FRMD8: variants seen among roughly 807,000 people sequenced by gnomAD.
The protein encoded by FRMD8 is FERM domain-containing protein 8.
Under a neutral mutation model 54.2 loss-of-function variants are expected in FRMD8, and 37 were observed. That is an observed-to-expected ratio of 0.68 (90% CI 0.53 to 0.90). FRMD8 has a LOEUF of 0.90. FRMD8 is among the 40% of genes least tolerant of loss of function. The pLI is 0.00. For synonymous variants in FRMD8, 246 were observed against 286.9 expected (o/e 0.86, Z 1.44); for missense variants, 585 against 653.7 (o/e 0.89, Z 1.15).
the FRMD8 span, among the ~76,000 whole-genome samples, chr11:65,371,196 T>C: frequency 6.6e-6 from 1 of 152,094 alleles, no homozygotes; most frequent in Non-Finnish European, 1.5e-5. Flanking sequence ...TGGTCAAAGT[T>C]ATTTAAGCCA....
intron 9 of FRMD8, among the ~76,000 whole-genome samples, chr11:65,401,345 T>TGCTTCCCTCCCCA (rs1856075914): frequency 9.6e-6 from 1 of 104,152 alleles, no homozygotes; most frequent in African/African-American, 4.2e-5. Flanking sequence ...CTCCCTCCCC[T>TGCTTCCCTCCCCA]GCCTCCCTCC....
the FRMD8 span, among the ~76,000 whole-genome samples, chr11:65,373,553 G>A: frequency 6.6e-6 from 1 of 152,120 alleles, no homozygotes; most frequent in African/African-American, 2.4e-5. Flanking sequence ...GTCTGGGGTG[G>A]GGCCTGAGAT....
At chr11:65,396,754 G>A (rs754160281) in intron 6 of FRMD8, 45 bp from the exon 7 acceptor site, 1 of 1,316,672 alleles carries the variant, frequency 7.6e-7, no homozygotes, top group Non-Finnish European at 1.0e-6. Flanking sequence ...CGTGAGCCTG[G>A]CACCTCTGGT....
the FRMD8 span, chr11:65,380,272 G>A: frequency 1.3e-6 from 2 of 1,567,148 alleles, no homozygotes; most frequent in East Asian, 4.5e-5. Context: ...GCAGGAGGAA[G>A]GAGAGCAGGG....
rs1856064154 is a variant in FRMD8, at chr11:65,400,945, G to T, written c.1071+78G>T. On this transcript the variant is annotated intron_variant, in intron 9 of 10. Transcript: ENST00000317568. This position sits in a 1 kb window ranked among gnomAD's most constrained non-coding sequence, Gnocchi z 4.3. ...GGGTCCCAGACAATTAGAGGCACCA[G>T]GCTGGCGGGCAAGGAGGTGAGAAGC... is the stretch of plus-strand genomic sequence containing the variant. 2 of 1,467,140 alleles carry T rather than the reference G, an allele frequency of 1.4e-6. No individual in the cohort carries two copies. Among genetic ancestry groups the T allele is most frequent in the Admixed American group, 4.7e-5 (2 of 42,522 alleles). 90.9% of individuals were successfully genotyped at this position (1,467,140 alleles called of 1,614,324 possible).
the FRMD8 span, chr11:65,377,256 C>T: frequency 7.0e-7 from 1 of 1,423,540 alleles, no homozygotes; most frequent in Non-Finnish European, 9.1e-7. Context: ...CTGCATGCGA[C>T]CGGGACAGGC....
At chr11:65,386,604 G>T, upstream of FRMD8, 1 of 172,124 alleles carries the variant, frequency 5.8e-6, no homozygotes, top group South Asian at 1.6e-4. Flanking sequence ...GCGGGGCCTC[G>T]GGCGCCGCGC....
At chr11:65,406,738 G>A (rs139537435) in intron 10 of FRMD8, among the ~76,000 whole-genome samples, 1,578 of 152,018 alleles carry the variant, frequency 0.01, 30 homozygotes, top group African/African-American at 0.036. Flanking sequence ...TCGGGAGTTC[G>A]AGACCAGTCT....
rs114918863 is a variant in FRMD8, at chr11:65,412,506, C to T, written c.*1146C>T. On this transcript the variant is annotated 3_prime_UTR_variant, in exon 11 of 11. Transcript: ENST00000317568. ...GCTTCTCTGGTCCCAGCTTGCCCTC[C>T]GGGGAGCAGGGGCTCTGTCTTGTCC... 4,542 of 152,376 alleles carry T rather than the reference C, an allele frequency of 0.03. 268 individuals carry two copies. The highest frequency in any genetic ancestry group is 0.1 in the African/African-American group (4,328 of 41,528). 9.4% of individuals were successfully genotyped at this position (152,376 alleles called of 1,614,324 possible).
chr11:65,403,471 C>T (rs1349322171), intron 9 of FRMD8, among the ~76,000 whole-genome samples: 2 of 152,368 alleles, frequency 1.3e-5, no homozygotes, highest in Admixed American at 6.5e-5. Flanking sequence ...GCGTGAGCCA[C>T]GGCACCTGGC....
At chr11:65,373,071 G>A in the FRMD8 span, among the ~76,000 whole-genome samples, 1 of 152,134 alleles carries the variant, frequency 6.6e-6, no homozygotes, top group African/African-American at 2.4e-5. Flanking sequence ...GGCCAACATG[G>A]CAAAACCCCG....
upstream of FRMD8, chr11:65,386,626 G>A (rs918289103): frequency 5.4e-6 from 1 of 186,656 alleles, no homozygotes; most frequent in Non-Finnish European, 1.1e-5. Context: ...TCCTCCCGCC[G>A]TGGCTTCCGC....
chr11:65,381,964 C>A (rs116374093), upstream of FRMD8: 2 of 1,613,604 alleles, frequency 1.2e-6, no homozygotes, highest in South Asian at 1.1e-5. Context: ...TCTGGGCTTG[C>A]GGGAACTGGT....
chr11:65,372,494 G>C, the FRMD8 span, among the ~76,000 whole-genome samples: 1 of 152,236 alleles, frequency 6.6e-6, no homozygotes, highest in South Asian at 2.1e-4. Context: ...TTTAGAGGAC[G>C]GGCACTCCAG....
chr11:65,404,849 C>T lies in FRMD8; in HGVS notation c.1072-15C>T, dbSNP rs375663742. ...GGGGCCCTGGCCAGGCCTCACACTG[C>T]CCCCTCCTCCCCAGGCCGAACTGAT... On this transcript the variant is annotated splice_polypyrimidine_tract_variant and intron_variant, in intron 9 of 10. Coordinates refer to ENST00000317568, the MANE Select transcript of FRMD8 (RefSeq NM_031904.5). The surrounding 1 kb of genome is among the most constrained non-coding windows in gnomAD (Gnocchi z 4.7). The T allele has an allele frequency of 1.2e-6, 2 of 1,604,130 alleles. No individual in the cohort carries two copies. The highest frequency in any genetic ancestry group is 8.5e-7 in the Non-Finnish European group (1 of 1,173,216).
chr11:65,379,738 C>T, the FRMD8 span: 3 of 1,328,448 alleles, frequency 2.3e-6, no homozygotes, highest in Non-Finnish European at 3.1e-6. Context: ...ACCACCCAGG[C>T]CCCCCAAGGA....
intron 7 of FRMD8, among the ~76,000 whole-genome samples, chr11:65,398,479 A>G (rs1215609232): frequency 6.6e-6 from 1 of 152,236 alleles, no homozygotes; most frequent in Non-Finnish European, 1.5e-5. Context: ...CCAGGTGAGA[A>G]GGGGCCCTGG....
Position 65,404,873 on chromosome 11 carries a change from A to G in FRMD8, c.1081A>G (p.Met361Val). 6.2e-7 allele frequency: 1 copy of G among 1,612,188 alleles called. No homozygotes were observed. The highest frequency in any genetic ancestry group is 8.5e-7 in the Non-Finnish European group (1 of 1,179,260). ...LKIYSKQAEL[M>V]SSLIEYCIEL... ...GCCCCCTCCTCCCCAGGCCGAACTG[A>G]TGAGCAGTCTCATTGAGTACTGCAT... The change falls in exon 10 of 11, where the codon ATG (methionine) becomes GTG (valine). Residue 361 changes from methionine (M) to valine (V), a missense_variant. Transcript: ENST00000317568. This position sits in a 1 kb window ranked among gnomAD's most constrained non-coding sequence, Gnocchi z 4.7.
the FRMD8 span, chr11:65,379,554 C>T: frequency 6.2e-7 from 1 of 1,607,118 alleles, no homozygotes; most frequent in Non-Finnish European, 8.5e-7. Context: ...CTTGAAGAAG[C>T]CCAGGAGCTG....
Sources: allele counts gnomAD v4.1 joint callset (sites outside exome capture counted in the v4.1 genomes callset), GRCh38; gene constraint gnomAD v4.1.1; non-coding constraint Gnocchi (gnomAD v3.1); transcripts MANE v1.5; gene names NCBI Gene and HGNC (gene_info 2026-07-23, HGNC 2026-07-21).